BCAS1: variants seen among roughly 807,000 people sequenced by gnomAD.
The protein encoded by BCAS1 is brain enriched myelin associated protein 1.
In BCAS1, 46 loss-of-function variants were observed where a neutral mutation model predicts 65.4. The observed-to-expected ratio is 0.70, with a 90% CI of 0.55 to 0.90. The LOEUF is 0.90. BCAS1 is among the 40% of genes least tolerant of loss of function. The probability of loss-of-function intolerance (pLI) is 0.00; values close to 1 mark genes in which losing one functional copy is unlikely to be tolerated. For synonymous variants in BCAS1, 298 were observed against 293.5 expected (o/e 1.02, Z -0.16); for missense variants, 793 against 771.2 (o/e 1.03, Z -0.33).
intron 9 of BCAS1, 138 bp downstream of exon 9, chr20:53,975,251 C>G: frequency 1.6e-6 from 1 of 625,820 alleles, no homozygotes; most frequent in Non-Finnish European, 2.8e-6. Flanking sequence ...TAATCACATA[C>G]GGGATAAGAG....
chr20:53,955,333 G>C (rs1400679783), intron 11 of BCAS1, among the ~76,000 whole-genome samples: 1 of 152,212 alleles, frequency 6.6e-6, no homozygotes, highest in Non-Finnish European at 1.5e-5. Context: ...ACTTCTGGCA[G>C]ACCCCAACTG....
chr20:53,998,410 C>A (rs566982969), intron 4 of BCAS1, among the ~76,000 whole-genome samples: 1 of 152,168 alleles, frequency 6.6e-6, no homozygotes, highest in Non-Finnish European at 1.5e-5. Context: ...TTCTGGGAGG[C>A]CTCAGGAAGC....
At chr20:54,053,315 T>C (rs182499974) in intron 3 of BCAS1, among the ~76,000 whole-genome samples, 1 of 152,384 alleles carries the variant, frequency 6.6e-6, no homozygotes, top group Non-Finnish European at 1.5e-5. Context: ...GTTTGTTTGA[T>C]ATCAAATTCC....
At chr20:54,029,040 C>A in intron 3 of BCAS1, 68 bp from the exon 4 acceptor site, 2 of 1,510,406 alleles carry the variant, frequency 1.3e-6, no homozygotes, top group Non-Finnish European at 1.8e-6. Flanking sequence ...ATAATGGACT[C>A]CAGACATTTT....
chr20:53,954,029 C>T (rs745316921), intron 11 of BCAS1, among the ~76,000 whole-genome samples: 7 of 152,180 alleles, frequency 4.6e-5, no homozygotes, highest in Non-Finnish European at 8.8e-5. Flanking sequence ...ACTATTTCCA[C>T]CTCCAGACAA....
At chr20:53,969,978 A>T (rs1014232188) in intron 9 of BCAS1, among the ~76,000 whole-genome samples, 1 of 152,220 alleles carries the variant, frequency 6.6e-6, no homozygotes, top group Non-Finnish European at 1.5e-5. Context: ...TAAAGTTGGC[A>T]ACTTTGCCTA....
chr20:53,981,604 T>C (rs1184546277), intron 8 of BCAS1, among the ~76,000 whole-genome samples: 2 of 151,812 alleles, frequency 1.3e-5, no homozygotes, highest in Non-Finnish European at 2.9e-5. Flanking sequence ...TTGGCCAATT[T>C]TATAACTGAA....
chr20:54,016,738 C>T (rs1293985990), intron 4 of BCAS1, among the ~76,000 whole-genome samples: 2 of 152,178 alleles, frequency 1.3e-5, no homozygotes, highest in Non-Finnish European at 2.9e-5. Flanking sequence ...CCATTGTCCT[C>T]TGGCATCTTT....
rs1391284796 is a variant in BCAS1 at position 54,041,908 on chromosome 20, C to CAAAAAAAAAAAAAAA, written c.143-12937_143-12936insTTTTTTTTTTTTTTT. Among the ~76,000 whole-genome samples the CAAAAAAAAAAAAAAA allele has an allele frequency of 4.0e-3, 270 of 67,254 alleles. 70 individuals carry two copies. The highest frequency in any genetic ancestry group is 5.3e-3 in the Non-Finnish European group (183 of 34,606). The allele number at this position is 67,254 out of a possible 152,430, so 44.1% of individuals were successfully genotyped here. ...AGTTCAGAGTGAGACTCTGTCTCCC[C>CAAAAAAAAAAAAAAA]CAAAAAAAAAAAAAAAAAAAAAAGA... is the stretch of plus-strand genomic sequence containing the variant. On this transcript the variant is annotated intron_variant, in intron 3 of 12. Transcript: ENST00000688948.
chr20:53,972,225 G>C (rs1048052909), intron 9 of BCAS1, among the ~76,000 whole-genome samples: 1 of 152,140 alleles, frequency 6.6e-6, no homozygotes, highest in African/African-American at 2.4e-5. Context: ...TGTTGTGAAG[G>C]TGTAGAGCAC....
intron 4 of BCAS1, among the ~76,000 whole-genome samples, chr20:54,019,321 G>A (rs1239756889): frequency 2.0e-5 from 3 of 152,212 alleles, no homozygotes; most frequent in Non-Finnish European, 4.4e-5. Flanking sequence ...TGAAACAGGC[G>A]TGCTTGCTGC....
At position 53,944,015 on chromosome 20, in the gene BCAS1, G is replaced by A. The variant is rs1232565652; in HGVS notation, c.*907C>T. On this transcript the variant is annotated 3_prime_UTR_variant, in exon 13 of 13. Transcript: ENST00000688948. ...TTGCCGTTGTCACTGAGCCTCAAAAGCAATTGTTTTCCCAAATCATTTTAA... is the reference window on the plus strand; with the variant it reads ...TTGCCGTTGTCACTGAGCCTCAAAAACAATTGTTTTCCCAAATCATTTTAA... 1 of 151,468 alleles carries A rather than the reference G, an allele frequency of 6.6e-6. No individual in the cohort carries two copies. The highest frequency in any genetic ancestry group is 1.5e-5 in the Non-Finnish European group (1 of 67,942). The allele number at this position is 151,468 out of a possible 1,614,324, so 9.4% of individuals were successfully genotyped here.
rs532723796 is a variant in BCAS1 at position 54,048,978 on chromosome 20, G to A, written c.142+9107C>T. ...AGATAAAAAATAAGATCAATTGGAGGGAAATAGTGGACACTAGGAGAACAC... is the reference window on the plus strand; with the variant it reads ...AGATAAAAAATAAGATCAATTGGAGAGAAATAGTGGACACTAGGAGAACAC... On this transcript the variant is annotated intron_variant, in intron 3 of 12. Transcript: ENST00000688948. Among the ~76,000 whole-genome samples the A allele has an allele frequency of 4.8e-4, 73 of 152,294 alleles. No homozygotes were observed. In the South Asian group the frequency reaches 0.011, roughly 22 times the overall value.
rs755989618 is a variant in BCAS1, at chr20:53,985,392, T to A, written c.1170A>T (p.Pro390=). Reference sequence around the variant, plus strand: ...TTGTCACGGACTGTGTGTGCCCCGATGGGTTGCATCCTTTGGAATTCTTGC... The same window carrying A: ...TTGTCACGGACTGTGTGTGCCCCGAAGGGTTGCATCCTTTGGAATTCTTGC... ...GAGKNSKGCN[P]SGHTQSVTTP... The change falls in exon 8 of 13, where the codon CCA becomes CCT. Residue 390 remains proline, a synonymous_variant. Transcript: ENST00000688948. 6.2e-7 allele frequency: 1 copy of A among 1,614,088 alleles called. No individual in the cohort carries two copies. Among genetic ancestry groups the A allele is most frequent in the Non-Finnish European group, 8.5e-7 (1 of 1,179,976 alleles).
intron 3 of BCAS1, among the ~76,000 whole-genome samples, chr20:54,049,500 G>T (rs1020850587): frequency 6.6e-6 from 1 of 152,048 alleles, no homozygotes; most frequent in African/African-American, 2.4e-5. Context: ...TAATATGCAG[G>T]TGGGAAAATC....
rs1276001593 is a variant in BCAS1 at position 54,041,856 on chromosome 20, G to GCCACTGTA, written c.143-12885_143-12884insTACAGTGG. ...AGAGGTTGCAGTGAGCCGAGATTGT[G>GCCACTGTA]CCACTGCACTCTAACCTGGGCAACA... On this transcript the variant is annotated intron_variant, in intron 3 of 12. Coordinates refer to ENST00000688948, the MANE Select transcript of BCAS1 (RefSeq NM_001366298.2). Among the ~76,000 whole-genome samples, 92 of 129,168 alleles carry GCCACTGTA rather than the reference G, an allele frequency of 7.1e-4. 2 individuals are homozygous for GCCACTGTA. Among genetic ancestry groups the GCCACTGTA allele is most frequent in the African/African-American group, 2.6e-3 (90 of 34,044 alleles). 84.7% of individuals were successfully genotyped at this position (129,168 alleles called of 152,430 possible).
intron 3 of BCAS1, among the ~76,000 whole-genome samples, chr20:54,029,905 T>A (rs2091763549): frequency 6.6e-6 from 1 of 152,196 alleles, no homozygotes; most frequent in East Asian, 1.9e-4. Flanking sequence ...CATAGACTGT[T>A]AAGAATATGG....
At chr20:53,995,605 A>C (rs208380) in intron 5 of BCAS1, among the ~76,000 whole-genome samples, 110,696 of 151,880 alleles carry the variant, frequency 0.73, 40,737 homozygotes, top group East Asian at 0.94. Context: ...TGATCAATGA[A>C]CATAAGACAT....
At chr20:53,990,912 C>T (rs1177256142) in intron 7 of BCAS1, among the ~76,000 whole-genome samples, 1 of 152,210 alleles carries the variant, frequency 6.6e-6, no homozygotes, top group Non-Finnish European at 1.5e-5. Context: ...GTTCCCGCGG[C>T]CTCTTCCCAC....
Sources: gnomAD v4.1 joint callset for allele counts (sites outside exome capture counted in the v4.1 genomes callset) on GRCh38, gnomAD v4.1.1 for gene constraint, MANE v1.5 for transcripts, NCBI Gene and HGNC (gene_info 2026-07-23, HGNC 2026-07-21) for gene names.